PIBF1: variants seen among roughly 807,000 people sequenced by gnomAD.
The protein encoded by PIBF1 is progesterone immunomodulatory binding factor 1.
PIBF1 carries 90 observed loss-of-function variants against 112.5 expected under a neutral mutation model. That is an observed-to-expected ratio of 0.80 (90% CI 0.67 to 0.95). The LOEUF (loss-of-function observed/expected upper bound fraction) is 0.95. Among genes scored for constraint, PIBF1 ranks in the 40% least tolerant of loss-of-function variants. The pLI is 0.00. For synonymous variants in PIBF1, 301 were observed against 288.6 expected, an observed-to-expected ratio of 1.04 and a Z score of -0.44; for missense variants, 915 against 852.3, an observed-to-expected ratio of 1.07 and a Z score of -0.92.
chr13:72,921,412 CAT>C (rs1434750951), intron 13 of PIBF1, among the ~76,000 whole-genome samples: 1 of 152,132 alleles, frequency 6.6e-6, no homozygotes, highest in African/African-American at 2.4e-5. Flanking sequence ...CACACCAAGC[CAT>C]GTTTATTTCA....
chr13:72,794,454 G>A (rs1389609635), intron 3 of PIBF1, among the ~76,000 whole-genome samples: 1 of 152,092 alleles, frequency 6.6e-6, no homozygotes, highest in Non-Finnish European at 1.5e-5. Flanking sequence ...AGTAGGGAAG[G>A]GGAAAATCAG....
chr13:72,822,843 A>C (rs527730938), intron 6 of PIBF1, among the ~76,000 whole-genome samples: 1 of 152,352 alleles, frequency 6.6e-6, no homozygotes, highest in South Asian at 2.1e-4. Flanking sequence ...TGTATATGGC[A>C]TTATGCCAAA....
intron 5 of PIBF1, among the ~76,000 whole-genome samples, chr13:72,812,636 T>C (rs1050970702): frequency 4.6e-5 from 7 of 151,900 alleles, no homozygotes; most frequent in African/African-American, 1.7e-4. Flanking sequence ...ATACAAAAAT[T>C]AGCTGGGTGT....
intron 16 of PIBF1, among the ~76,000 whole-genome samples, chr13:72,982,426 A>G (rs890123144): frequency 6.6e-6 from 1 of 152,060 alleles, no homozygotes; most frequent in African/African-American, 2.4e-5. Context: ...ACAGAGCTAG[A>G]CCCTATCTAA....
intron 5 of PIBF1, among the ~76,000 whole-genome samples, chr13:72,815,469 A>C (rs2036222470): frequency 6.6e-6 from 1 of 152,208 alleles, no homozygotes. Flanking sequence ...AAAACTATAA[A>C]ATCTTGGAAC....
intron 17 of PIBF1, among the ~76,000 whole-genome samples, chr13:73,001,048 A>G (rs896496606): frequency 6.6e-6 from 1 of 152,212 alleles, no homozygotes; most frequent in Admixed American, 6.5e-5. Flanking sequence ...ACTACAAACA[A>G]GTCAAATCAA....
chr13:72,840,962 A>G (rs2037584898), intron 9 of PIBF1, among the ~76,000 whole-genome samples: 1 of 152,226 alleles, frequency 6.6e-6, no homozygotes, highest in Non-Finnish European at 1.5e-5. Context: ...AGGCACATGG[A>G]ACTTACTCTG....
intron 16 of PIBF1, among the ~76,000 whole-genome samples, chr13:72,998,423 C>T (rs140652875): frequency 0.013 from 1,935 of 151,466 alleles, 55 homozygotes; most frequent in African/African-American, 0.043. Flanking sequence ...TGCAGTGAGC[C>T]GAGACCACAC....
intron 17 of PIBF1, among the ~76,000 whole-genome samples, chr13:73,004,269 T>C (rs1042729949): frequency 3.3e-5 from 5 of 151,986 alleles, no homozygotes; most frequent in Non-Finnish European, 7.4e-5. Flanking sequence ...GGTGGGCGGC[T>C]CACCTGAGAT....
chr13:72,982,921 A>G (rs894270086), intron 16 of PIBF1, among the ~76,000 whole-genome samples: 2 of 152,196 alleles, frequency 1.3e-5, no homozygotes, highest in African/African-American at 4.8e-5. Context: ...CATATCCCAA[A>G]GGTTTGTCTA....
intron 16 of PIBF1, among the ~76,000 whole-genome samples, chr13:72,992,191 T>G (rs952296966): frequency 1.3e-5 from 2 of 152,186 alleles, no homozygotes; most frequent in African/African-American, 4.8e-5. Flanking sequence ...AGACCCTGTC[T>G]CAGTCAATCG....
chr13:72,914,102 C>T (rs1296772896), intron 12 of PIBF1, among the ~76,000 whole-genome samples: 2 of 151,782 alleles, frequency 1.3e-5, no homozygotes, highest in South Asian at 2.1e-4. Context: ...CAGGTAATTT[C>T]GGCTGACTTT....
rs117440462 is a variant in PIBF1 at position 72,793,915 on chromosome 13, T to C, written c.353+1368T>C. ...TTCTAGTTAGAAATCCATGTGGAGG[T>C]ATACGAAAAGTCTCGTGTAGAGGTA... On this transcript the variant is annotated intron_variant, in intron 3 of 17. Coordinates refer to ENST00000326291, the MANE Select transcript of PIBF1 (RefSeq NM_006346.4). Among the ~76,000 whole-genome samples, 1,153 of 152,246 alleles carry C rather than the reference T, an allele frequency of 7.6e-3. 14 individuals carry two copies. Among genetic ancestry groups the C allele is most frequent in the Middle Eastern group, 0.014 (4 of 294 alleles).
intron 10 of PIBF1, among the ~76,000 whole-genome samples, chr13:72,887,976 C>T (rs148615755): frequency 8.5e-5 from 13 of 152,250 alleles, no homozygotes; most frequent in African/African-American, 3.1e-4. Context: ...TTTTTCCGAC[C>T]GTGTTGGTAT....
intron 16 of PIBF1, among the ~76,000 whole-genome samples, chr13:72,989,547 AAGT>A (rs1450855398): frequency 6.6e-5 from 10 of 152,296 alleles, no homozygotes; most frequent in African/African-American, 2.4e-4. Context: ...CAAGGACAAA[AAGT>A]AGATTGATTA....
At chr13:72,823,652 A>T (rs2036668936) in intron 6 of PIBF1, among the ~76,000 whole-genome samples, 1 of 152,372 alleles carries the variant, frequency 6.6e-6, no homozygotes, top group African/African-American at 2.4e-5. Context: ...AAGAAATTCA[A>T]ATGCTTTTCA....
chr13:72,921,634 T>G (rs1461171310), intron 13 of PIBF1, among the ~76,000 whole-genome samples: 1 of 152,162 alleles, frequency 6.6e-6, no homozygotes, highest in African/African-American at 2.4e-5. Context: ...AAACGTTAAT[T>G]TTTAGTACTT....
chr13:72,844,728 TAC>T (rs1156334355), intron 9 of PIBF1, among the ~76,000 whole-genome samples: 1,897 of 53,032 alleles, frequency 0.036, 28 homozygotes, highest in Middle Eastern at 0.064. Flanking sequence ...TAATTTTATT[TAC>T]ACACACACAC....
intron 6 of PIBF1, among the ~76,000 whole-genome samples, chr13:72,823,455 A>G (rs1031311187): frequency 6.6e-6 from 1 of 152,216 alleles, no homozygotes; most frequent in African/African-American, 2.4e-5. Flanking sequence ...ATGGAATAGT[A>G]AAACAAGAAA....
Sources: allele counts gnomAD v4.1 joint callset (sites outside exome capture counted in the v4.1 genomes callset), GRCh38; gene constraint gnomAD v4.1.1; transcripts MANE v1.5; gene names NCBI Gene and HGNC (gene_info 2026-07-23, HGNC 2026-07-21).